TMEM82: variants seen among roughly 807,000 people sequenced by gnomAD.
TMEM82 encodes the protein transmembrane protein 82.
In TMEM82, 30 loss-of-function variants were observed where a neutral mutation model predicts 29.2. That is an observed-to-expected ratio of 1.03 (90% CI 0.77 to 1.39). TMEM82 has a LOEUF of 1.39. TMEM82 is among the 40% of genes most tolerant of loss of function. TMEM82 has a pLI of 0.00. For synonymous variants in TMEM82, 221 were observed against 225.4 expected, an observed-to-expected ratio of 0.98 and a Z score of 0.18; for missense variants, 442 against 447.7, an observed-to-expected ratio of 0.99 and a Z score of 0.12.
Position 15,744,764 on chromosome 1 carries a change from C to G in TMEM82, c.757+184C>G, listed in dbSNP as rs2068322258. ...GTAGTGGGCACCCTGAGGTTGTAGTCTTTAGATTGGGCTTTGAAGGATGAG... is the reference window on the plus strand; with the variant it reads ...GTAGTGGGCACCCTGAGGTTGTAGTGTTTAGATTGGGCTTTGAAGGATGAG... On this transcript the variant is annotated intron_variant, in intron 4 of 5. Coordinates refer to ENST00000375782, the MANE Select transcript of TMEM82 (RefSeq NM_001013641.3). The surrounding 1 kb of genome is among the most constrained non-coding windows in gnomAD (Gnocchi z 5.2). Among the ~76,000 whole-genome samples, 1 of 152,182 alleles carries G rather than the reference C, an allele frequency of 6.6e-6. No individual in the cohort carries two copies. Among genetic ancestry groups the G allele is most frequent in the South Asian group, 2.1e-4 (1 of 4,830 alleles).
intron 4 of TMEM82, among the ~76,000 whole-genome samples, chr1:15,745,148 G>C (rs1191476837): frequency 6.6e-6 from 1 of 152,194 alleles, no homozygotes; most frequent in Admixed American, 6.5e-5. Context: ...CTGGGCTCAA[G>C]TGATTCTCCC....
In TMEM82 at chr1:15,747,497, G is replaced by T. The variant is rs369637752; in HGVS notation, c.946-49G>T. On this transcript the variant is annotated intron_variant, in intron 5 of 5. Coordinates refer to ENST00000375782, the MANE Select transcript of TMEM82 (RefSeq NM_001013641.3). Reference sequence around the variant, plus strand: ...CCGGGTCACTGGAGGCCCAAGGCCCGCAGGGGGATGGGTGAATGGGTGGTG... The same window carrying T: ...CCGGGTCACTGGAGGCCCAAGGCCCTCAGGGGGATGGGTGAATGGGTGGTG... 6 of 1,543,150 alleles carry T rather than the reference G, an allele frequency of 3.9e-6. No individual in the cohort carries two copies. In the South Asian group the frequency reaches 5.6e-5, roughly 14 times the overall value.
rs563216755 is a variant in TMEM82 at position 15,744,337 on chromosome 1, C to A, written c.514C>A (p.Arg172Ser). Residue 172 changes from arginine (R) to serine (S), a missense_variant, in exon 4 of 6, where the codon CGC becomes AGC. Physicochemically the swap from Arg to Ser is moderately radical, Grantham distance 110. Transcript: ENST00000375782. The surrounding 1 kb of genome is among the most constrained non-coding windows in gnomAD (Gnocchi z 5.2). ...LLGLGARRLH[R>S]HVCRLYELHS... ...GGGCCTGGGTGCCCGGCGCCTCCACCGCCACGTCTGCCGCCTCTACGAGCT... is the reference window on the plus strand; with the variant it reads ...GGGCCTGGGTGCCCGGCGCCTCCACAGCCACGTCTGCCGCCTCTACGAGCT... 9.7e-6 allele frequency: 15 copies of A among 1,544,754 alleles called. No individual in the cohort carries two copies. In the African/African-American group the frequency reaches 2.0e-4, roughly 21 times the overall value.
chr1:15,745,109 C>T (rs556784678), intron 4 of TMEM82, among the ~76,000 whole-genome samples: 3 of 152,332 alleles, frequency 2.0e-5, no homozygotes, highest in South Asian at 2.1e-4. Context: ...TGCAGTGGCA[C>T]GATCATGGCT....
intron 5 of TMEM82, 133 bp from the exon 6 acceptor site, chr1:15,747,413 C>A: frequency 6.5e-6 from 5 of 766,578 alleles, no homozygotes; most frequent in Non-Finnish European, 1.1e-5. Context: ...ACTAGCACCC[C>A]CCACCCTGTC....
Position 15,746,940 on chromosome 1 carries a change from G to A in TMEM82, c.831G>A (p.Val277=). Residue 277 remains valine (V), a synonymous_variant, in exon 5 of 6, where the codon GTG becomes GTA. Coordinates refer to ENST00000375782, the MANE Select transcript of TMEM82 (RefSeq NM_001013641.3). ...TVLVRMGGLF[V]LLLTVGRWLD... ...TGGTGCGCATGGGCGGCCTCTTCGT[G>A]CTGCTGCTGACTGTGGGTCGCTGGC... 1 of 1,610,316 alleles carries A rather than the reference G, an allele frequency of 6.2e-7. No individual in the cohort carries two copies. Among genetic ancestry groups the A allele is most frequent in the Non-Finnish European group, 8.5e-7 (1 of 1,179,918 alleles).
In TMEM82 at chr1:15,744,723, T is replaced by C. The variant is rs1284862361; in HGVS notation, c.757+143T>C. 4.8e-6 allele frequency: 5 copies of C among 1,052,508 alleles called. No individual in the cohort carries two copies. The South Asian group carries it at 5.1e-5, about 11-fold the overall frequency. The allele number at this position is 1,052,508 out of a possible 1,614,324, so 65.2% of individuals were successfully genotyped here. ...GACAGAGGCTGTGTGGCGGGGGCAG[T>C]GCAGAGAAGCAGCATGTAGTGGGCA... On this transcript the variant is annotated intron_variant, in intron 4 of 5. Transcript: ENST00000375782. The surrounding 1 kb of genome is among the most constrained non-coding windows in gnomAD (Gnocchi z 5.2).
intron 4 of TMEM82, among the ~76,000 whole-genome samples, chr1:15,745,328 C>T (rs893003041): frequency 1.3e-5 from 2 of 151,728 alleles, no homozygotes; most frequent in African/African-American, 4.8e-5. Context: ...CAAGACCAGC[C>T]TAACCAACAT....
intron 4 of TMEM82, among the ~76,000 whole-genome samples, chr1:15,745,979 C>A (rs2068332200): frequency 6.6e-6 from 1 of 151,224 alleles, no homozygotes; most frequent in Non-Finnish European, 1.5e-5. Flanking sequence ...CCTGCCTCAG[C>A]TTCCCGAAGT....
At position 15,747,051 on chromosome 1, in the gene TMEM82, A is replaced by G; in HGVS notation, c.942A>G (p.Ile314Met). Residue 314 changes from isoleucine (I) to methionine (M), a missense_variant, in exon 5 of 6, where the codon ATA (isoleucine) becomes ATG (methionine). Coordinates refer to ENST00000375782, the MANE Select transcript of TMEM82 (RefSeq NM_001013641.3). Reference sequence around the variant, plus strand: ...GCACCCTGCTTGACCTCTGCCAGATACAGGTGGGCACCCCCATCCCATGTG... The same window carrying G: ...GCACCCTGCTTGACCTCTGCCAGATGCAGGTGGGCACCCCCATCCCATGTG... ...GVRTLLDLCQ[I>M]QDFPSQRPPV... 2 of 1,604,928 alleles carry G rather than the reference A, an allele frequency of 1.2e-6. No homozygotes were observed. The highest frequency in any genetic ancestry group is 1.7e-6 in the Non-Finnish European group (2 of 1,175,770).
rs1459447875 is a variant in TMEM82 at position 15,744,504 on chromosome 1, C to T, written c.681C>T (p.Phe227=). ...LAAVALINQD[F]LTTSEAMRFW... ...CTGTGGCCCTCATCAACCAGGACTT[C>T]CTGACCACCTCGGAGGCCATGCGGT... is the stretch of plus-strand genomic sequence containing the variant. The change falls in exon 4 of 6, where the codon TTC becomes TTT. Residue 227 remains phenylalanine, a synonymous_variant. Transcript: ENST00000375782. This position sits in a 1 kb window ranked among gnomAD's most constrained non-coding sequence, Gnocchi z 5.2. 2 of 1,612,412 alleles carry T rather than the reference C, an allele frequency of 1.2e-6. No individual in the cohort carries two copies. Among genetic ancestry groups the T allele is most frequent in the African/African-American group, 2.7e-5 (2 of 74,952 alleles).
rs757918096 is a variant in TMEM82 at position 15,743,087 on chromosome 1, C to A, written c.229C>A (p.Leu77Met). ...AQWASLETVH[L>M]AGLALFLTVV... ...GTGGGCCTCCCTGGAAACGGTGCAC[C>A]TGGCAGGGCTGGCCCTGTTTCTGAC... Residue 77 changes from leucine (L) to methionine (M), a missense_variant, in exon 3 of 6, where the codon CTG becomes ATG. Leu to Met is a conservative substitution (Grantham distance 15). Transcript: ENST00000375782. The A allele has an allele frequency of 5.6e-6, 9 of 1,610,608 alleles. No individual in the cohort carries two copies. The South Asian group carries it at 9.9e-5, about 18-fold the overall frequency.
chr1:15,744,485 C>T lies in TMEM82; in HGVS notation c.662C>T (p.Ala221Val), dbSNP rs1301153995. ...GCCGTGGGTGACCTGGCAGCTGTGG[C>T]CCTCATCAACCAGGACTTCCTGACC... ...AFAVGDLAAV[A>V]LINQDFLTTS... Residue 221 changes from alanine to valine, a missense_variant, in exon 4 of 6, where the codon GCC (alanine) becomes GTC (valine). Physicochemically the swap from Ala to Val is moderately conservative, Grantham distance 64. Transcript: ENST00000375782. This position sits in a 1 kb window ranked among gnomAD's most constrained non-coding sequence, Gnocchi z 5.2. 6.2e-7 allele frequency: 1 copy of T among 1,611,566 alleles called. No homozygotes were observed. Among genetic ancestry groups the T allele is most frequent in the African/African-American group, 1.3e-5 (1 of 75,050 alleles).
chr1:15,746,113 C>T (rs945467082), intron 4 of TMEM82, among the ~76,000 whole-genome samples: 1 of 140,286 alleles, frequency 7.1e-6, no homozygotes, highest in Non-Finnish European at 1.6e-5. Flanking sequence ...CTCACTGCAA[C>T]CTCCAACTCC....
chr1:15,742,928 C>A (rs903729572), intron 2 of TMEM82, 21 bp downstream of exon 2: 3 of 1,612,010 alleles, frequency 1.9e-6, no homozygotes, highest in Non-Finnish European at 2.5e-6. Context: ...ACCTCATCCC[C>A]CCAGGGAATG....
chr1:15,743,460 AGTGCACCGT>A (rs2068308528), intron 3 of TMEM82, among the ~76,000 whole-genome samples: 1 of 152,258 alleles, frequency 6.6e-6, no homozygotes, highest in African/African-American at 2.4e-5. Context: ...CCCTGCGCCG[AGTGCACCGT>A]GTGCATCACG....
rs531677640 is a variant in TMEM82, at chr1:15,747,296, A to G, written c.945+242A>G. Among the ~76,000 whole-genome samples the G allele has an allele frequency of 6.7e-4, 101 of 151,806 alleles. 1 individual carries two copies. Among genetic ancestry groups the G allele is most frequent in the Non-Finnish European group, 1.2e-4 (8 of 67,890 alleles). On this transcript the variant is annotated intron_variant, in intron 5 of 5. Transcript: ENST00000375782. ...AACAGAGTGAGACTCCATCTCCAAAAAAAAAAAAGACAGAGCCAGGGTGAC... is the reference window on the plus strand; with the variant it reads ...AACAGAGTGAGACTCCATCTCCAAAGAAAAAAAAGACAGAGCCAGGGTGAC...
intron 5 of TMEM82, 137 bp downstream of exon 5, chr1:15,747,191 C>A: frequency 1.1e-6 from 1 of 927,224 alleles, no homozygotes; most frequent in Non-Finnish European, 1.6e-6. Context: ...ACTCAGGAGG[C>A]TGAGACCTGA....
chr1:15,746,857 C>T lies in TMEM82; in HGVS notation c.758-10C>T. 1 of 1,557,926 alleles carries T rather than the reference C, an allele frequency of 6.4e-7. No homozygotes were observed. The highest frequency in any genetic ancestry group is 8.6e-7 in the Non-Finnish European group (1 of 1,157,064). On this transcript the variant is annotated splice_polypyrimidine_tract_variant and intron_variant, in intron 4 of 5. Transcript: ENST00000375782. ...GTGGTCGGACGGTGACAGGCACCCG[C>T]ATCCCACAGAGGAGCAGCGGCAGCA...
Sources: gnomAD v4.1 joint callset for allele counts (sites outside exome capture counted in the v4.1 genomes callset) on GRCh38, gnomAD v4.1.1 for gene constraint, Gnocchi (gnomAD v3.1) non-coding constraint, MANE v1.5 for transcripts, NCBI Gene and HGNC (gene_info 2026-07-23, HGNC 2026-07-21) for gene names.